The following COL15A1 variants were observed in gnomAD, a reference collection of about 807,000 sequenced individuals.
The protein encoded by COL15A1 is collagen type XV alpha 1 chain, also known as collagen alpha-1(XV) chain.
A neutral mutation model predicts 165.9 loss-of-function variants in COL15A1; 111 were observed. The ratio of observed to expected loss-of-function variants is 0.67; its 90% CI spans 0.57 to 0.78. The LOEUF (loss-of-function observed/expected upper bound fraction) is 0.78. Ranked by LOEUF, COL15A1 falls within the 30% of genes least tolerant of loss-of-function variation. COL15A1 has a pLI of 0.00. For synonymous variants in COL15A1, 659 were observed against 674.8 expected (o/e 0.98, Z 0.36); for missense variants, 1,745 against 1,789.7 (o/e 0.98, Z 0.45).
At chr9:98,944,288 C>A in intron 2 of COL15A1, 38 bp downstream of exon 2, 1 of 1,596,656 alleles carries the variant, frequency 6.3e-7, no homozygotes, top group Non-Finnish European at 8.5e-7. Context: ...CGGCTGCCTC[C>A]GCGCCCGTGG....
intron 36 of COL15A1, among the ~76,000 whole-genome samples, chr9:99,060,234 T>A (rs7020179): frequency 0.029 from 2,428 of 84,706 alleles, 21 homozygotes; most frequent in African/African-American, 0.061. Context: ...TTATATATTT[T>A]TATATATATA....
At chr9:99,040,665 G>A (rs940707836) in intron 23 of COL15A1, 109 bp downstream of exon 23, 2 of 1,581,616 alleles carry the variant, frequency 1.3e-6, no homozygotes, top group East Asian at 2.3e-5. Context: ...AGCTCCAGGG[G>A]CATCTTGTTC....
chr9:99,023,790 C>G (rs1839067403), intron 14 of COL15A1, among the ~76,000 whole-genome samples: 1 of 152,052 alleles, frequency 6.6e-6, no homozygotes, highest in Non-Finnish European at 1.5e-5. Flanking sequence ...TTCAATCCTC[C>G]CTCCCCCTCC....
chr9:98,953,953 T>C (rs1837732934), intron 2 of COL15A1, among the ~76,000 whole-genome samples: 1 of 152,248 alleles, frequency 6.6e-6, no homozygotes, highest in Admixed American at 6.5e-5. Flanking sequence ...CTATTATTCC[T>C]GGCTTCCTGC....
At chr9:98,978,787 A>C (rs1838185810) in intron 2 of COL15A1, among the ~76,000 whole-genome samples, 2 of 152,182 alleles carry the variant, frequency 1.3e-5, no homozygotes, top group Admixed American at 6.5e-5. Context: ...TATATGCTGT[A>C]AAATAGAAAA....
At chr9:99,047,664 C>T in intron 26 of COL15A1, 122 bp from the exon 27 acceptor site, 1 of 1,012,544 alleles carries the variant, frequency 9.9e-7, no homozygotes, top group South Asian at 1.4e-5. Flanking sequence ...TGGCTCCCTG[C>T]CCTCCTTCCT....
At position 99,016,061 on chromosome 9, in the gene COL15A1, C is replaced by T. The variant is rs546719650; in HGVS notation, c.1589C>T (p.Pro530Leu). The T allele has an allele frequency of 7.4e-6, 12 of 1,614,062 alleles. No homozygotes were observed. In the East Asian group the frequency reaches 2.7e-4, roughly 36 times the overall value. The change falls in exon 11 of 42, where the codon CCC becomes CTC. Residue 530 changes from proline to leucine, a missense_variant. By Grantham distance (98) the Pro-to-Leu change is moderately conservative. Coordinates refer to ENST00000375001, the MANE Select transcript of COL15A1 (RefSeq NM_001855.5). ...GGGGGTGAAGAGTCCGGCAGCCCTC[C>T]CCCTGATGGGCCACCGCTGCCCCTG... is the stretch of plus-strand genomic sequence containing the variant. ...TAGGEESGSP[P>L]PDGPPLPLPT...
intron 9 of COL15A1, among the ~76,000 whole-genome samples, chr9:99,005,728 T>C (rs78848602): frequency 6.6e-6 from 1 of 152,190 alleles, no homozygotes; most frequent in African/African-American, 2.4e-5. Flanking sequence ...AAACACATCA[T>C]GAATCGCCGG....
chr9:99,062,125 A>G, intron 37 of COL15A1, 26 bp downstream of exon 37: 2 of 1,613,198 alleles, frequency 1.2e-6, no homozygotes, highest in East Asian at 4.5e-5. Context: ...CCTTTAACAC[A>G]CTGCCTTCAA....
intron 5 of COL15A1, among the ~76,000 whole-genome samples, chr9:98,993,414 G>T (rs1048586919): frequency 6.6e-6 from 1 of 152,208 alleles, no homozygotes; most frequent in African/African-American, 2.4e-5. Context: ...GCTGCCTTCA[G>T]TTATTAAGGG....
chr9:99,062,387 T>C (rs1825831483), intron 38 of COL15A1, 83 bp downstream of exon 38: 1 of 1,026,556 alleles, frequency 9.7e-7, no homozygotes. Context: ...CACCAAGCTC[T>C]CCAAACTCTG....
intron 11 of COL15A1, 135 bp downstream of exon 11, chr9:99,016,254 T>C (rs573665626): frequency 9.2e-7 from 1 of 1,091,680 alleles, no homozygotes; most frequent in East Asian, 2.7e-5. Context: ...AATTTGGGCA[T>C]TTGAGGAGCT....
intron 2 of COL15A1, among the ~76,000 whole-genome samples, chr9:98,951,240 T>C (rs540139529): frequency 2.0e-5 from 3 of 152,370 alleles, no homozygotes; most frequent in Admixed American, 2.0e-4. Flanking sequence ...TTCAGACAAA[T>C]GGCCTTTTTC....
chr9:98,944,215 C>T lies in COL15A1; in HGVS notation c.65C>T (p.Pro22Leu), dbSNP rs760069779. 3 of 1,614,066 alleles carry T rather than the reference C, an allele frequency of 1.9e-6. No individual in the cohort carries two copies. Among genetic ancestry groups the T allele is most frequent in the Admixed American group, 3.3e-5 (2 of 60,032 alleles). ...CLLMLLSVST[P>L]LPAVTQTRGA... ...CTGATGCTGCTCTCGGTCTCCACGC[C>T]CCTCCCTGCTGTCACCCAGACCCGC... The change falls in exon 2 of 42, where the codon CCC becomes CTC. Residue 22 changes from proline to leucine, a missense_variant. By Grantham distance (98) the Pro-to-Leu change is moderately conservative (BLOSUM62 -3). Coordinates refer to ENST00000375001, the MANE Select transcript of COL15A1 (RefSeq NM_001855.5).
intron 31 of COL15A1, among the ~76,000 whole-genome samples, chr9:99,053,709 G>A (rs1356626716): frequency 6.6e-6 from 1 of 152,178 alleles, no homozygotes; most frequent in African/African-American, 2.4e-5. Flanking sequence ...CTCGACAGAT[G>A]TAGTTGCCGC....
intron 31 of COL15A1, 112 bp downstream of exon 31, chr9:99,052,545 A>T: frequency 2.3e-6 from 2 of 874,814 alleles, no homozygotes; most frequent in African/African-American, 3.3e-5. Flanking sequence ...GTCTAACTGG[A>T]TGCTGTAGGG....
At chr9:99,026,616 A>G (rs1487146542) in intron 16 of COL15A1, among the ~76,000 whole-genome samples, 1 of 151,876 alleles carries the variant, frequency 6.6e-6, no homozygotes. Flanking sequence ...GTTCTGCCCA[A>G]ATGCTCTGGG....
At chr9:99,055,428 G>A (rs891377601) in intron 34 of COL15A1, 56 bp downstream of exon 34, 1 of 1,087,992 alleles carries the variant, frequency 9.2e-7, no homozygotes, top group African/African-American at 1.6e-5. Context: ...TTTCCCGGAA[G>A]CCCCCAATGG....
chr9:99,025,971 G>A lies in COL15A1; in HGVS notation c.2043+5G>A, dbSNP rs765500245. 18 of 1,607,832 alleles carry A rather than the reference G, an allele frequency of 1.1e-5. No homozygotes were observed. Among genetic ancestry groups the A allele is most frequent in the Admixed American group, 1.0e-4 (6 of 59,456 alleles). ...CCCGGGATGAAAGGGGAGAAGGTAC[G>A]GGGAACACGGGAGGGTCCCACCACA... On this transcript the variant is annotated splice_donor_5th_base_variant and intron_variant, in intron 16 of 41. Transcript: ENST00000375001.
Sources: allele counts gnomAD v4.1 joint callset (sites outside exome capture counted in the v4.1 genomes callset), GRCh38; gene constraint gnomAD v4.1.1; transcripts MANE v1.5; gene names NCBI Gene and HGNC (gene_info 2026-07-23, HGNC 2026-07-21).